NEK11: variants seen among roughly 807,000 people sequenced by gnomAD.
NEK11 encodes NIMA related kinase 11.
Under a neutral mutation model 80.7 loss-of-function variants are expected in NEK11, and 72 were observed. That is an observed-to-expected ratio of 0.89 (90% CI 0.74 to 1.08). The LOEUF is 1.08. NEK11 is among the 50% of genes least tolerant of loss of function. NEK11 has a pLI of 0.00. For missense variants in NEK11, 764 were observed against 763.6 expected (o/e 1.00, Z -0.01); for synonymous variants, 251 against 260.7 (o/e 0.96, Z 0.36).
At chr3:131,249,638 G>A (rs1016702385) in intron 16 of NEK11, among the ~76,000 whole-genome samples, 24 of 152,056 alleles carry the variant, frequency 1.6e-4, no homozygotes, top group African/African-American at 5.6e-4. Flanking sequence ...TTCCTACTTG[G>A]CTTCTGAAAC....
chr3:131,049,573 C>T (rs1248640870), intron 3 of NEK11, among the ~76,000 whole-genome samples: 1 of 152,070 alleles, frequency 6.6e-6, no homozygotes, highest in Admixed American at 6.5e-5. Flanking sequence ...ATTTGTGTGT[C>T]CATCAGTGGC....
intron 14 of NEK11, among the ~76,000 whole-genome samples, chr3:131,186,098 C>T (rs2093590469): frequency 6.6e-6 from 1 of 152,110 alleles, no homozygotes; most frequent in Non-Finnish European, 1.5e-5. Context: ...CAATCAGTGT[C>T]AAAGCAAGTT....
intron 14 of NEK11, chr3:131,174,782 T>C: frequency 6.2e-7 from 1 of 1,611,126 alleles, no homozygotes; most frequent in Non-Finnish European, 8.5e-7. Flanking sequence ...CACAGCTGAC[T>C]TTCAGAGCAG....
intron 17 of NEK11, among the ~76,000 whole-genome samples, chr3:131,341,941 G>A (rs558682147): frequency 1.3e-4 from 20 of 152,258 alleles, no homozygotes; most frequent in Non-Finnish European, 2.4e-4. Flanking sequence ...TAGTCAGTGA[G>A]TCTAGTCCAT....
chr3:131,173,045 A>T (rs556622296), intron 14 of NEK11, among the ~76,000 whole-genome samples: 1 of 152,328 alleles, frequency 6.6e-6, no homozygotes, highest in South Asian at 2.1e-4. Context: ...ATGAATCCTC[A>T]GTTCTGGGAG....
intron 17 of NEK11, among the ~76,000 whole-genome samples, chr3:131,279,366 C>T (rs1374617435): frequency 6.6e-6 from 1 of 152,018 alleles, no homozygotes; most frequent in Non-Finnish European, 1.5e-5. Context: ...AAAATAAATT[C>T]ACTTATTTTC....
intron 3 of NEK11, among the ~76,000 whole-genome samples, chr3:131,062,945 G>A (rs1474199410): frequency 6.6e-6 from 1 of 152,206 alleles, no homozygotes; most frequent in Non-Finnish European, 1.5e-5. Context: ...GGATCTCAGG[G>A]CAGTGTTGGC....
In NEK11 at chr3:131,306,632, G is replaced by A. The variant is rs145090665; in HGVS notation, c.1718+33058G>A. 5.9e-3 allele frequency among the ~76,000 whole-genome samples: 894 copies of A among 152,284 alleles called. 4 individuals are homozygous for A. The highest frequency in any genetic ancestry group is 8.6e-3 in the Non-Finnish European group (584 of 68,016). ...GGCTCTGATTAGTAGATTAGGCTCT[G>A]GTTAACTAACTTCTCCTAAGAGCAA... is the stretch of plus-strand genomic sequence containing the variant. On this transcript the variant is annotated intron_variant, in intron 17 of 17. Coordinates refer to ENST00000383366, the MANE Select transcript of NEK11 (RefSeq NM_024800.5).
intron 14 of NEK11, among the ~76,000 whole-genome samples, chr3:131,210,010 TCTTGC>T (rs1237286630): frequency 6.6e-6 from 1 of 152,244 alleles, no homozygotes; most frequent in Non-Finnish European, 1.5e-5. Flanking sequence ...CTTAGTTATT[TCTTGC>T]CTTCTGCTAG....
At chr3:131,200,785 T>G (rs1372803220) in intron 14 of NEK11, among the ~76,000 whole-genome samples, 5 of 152,178 alleles carry the variant, frequency 3.3e-5, no homozygotes, top group Non-Finnish European at 7.3e-5. Context: ...GAGGCTGAGC[T>G]CCCATCTTTT....
Position 131,152,714 on chromosome 3 carries a change from T to G in NEK11, c.876+5T>G. The G allele has an allele frequency of 6.3e-7, 1 of 1,598,006 alleles. No homozygotes were observed. The highest frequency in any genetic ancestry group is 1.8e-4 in the Middle Eastern group (1 of 5,614). On this transcript the variant is annotated splice_donor_5th_base_variant and intron_variant, in intron 9 of 17. Transcript: ENST00000383366. The stretch of plus-strand genomic sequence containing the variant: ...TACCTTGATGAGCAGCTACAGGTAT[T>G]TAAAATGAAAGGGATTCTGGGAAAC...
intron 3 of NEK11, among the ~76,000 whole-genome samples, chr3:131,054,789 T>TG (rs760741557): frequency 3.0e-5 from 4 of 135,252 alleles, no homozygotes; most frequent in East Asian, 2.0e-4. Flanking sequence ...AATAAATAAA[T>TG]AAATGAATGA....
At chr3:131,116,440 G>A (rs1051566220) in intron 5 of NEK11, among the ~76,000 whole-genome samples, 24 of 152,172 alleles carry the variant, frequency 1.6e-4, no homozygotes, top group African/African-American at 5.8e-4. Context: ...AAACATACGT[G>A]TGCATGTGTC....
intron 16 of NEK11, among the ~76,000 whole-genome samples, chr3:131,252,472 C>T (rs1440340933): frequency 3.9e-5 from 6 of 151,964 alleles, no homozygotes; most frequent in African/African-American, 1.5e-4. Flanking sequence ...CATTCCTGAC[C>T]CCAATTTAGT....
chr3:131,243,152 G>C (rs979778818), intron 15 of NEK11, among the ~76,000 whole-genome samples: 5 of 152,076 alleles, frequency 3.3e-5, no homozygotes, highest in Non-Finnish European at 5.9e-5. Context: ...ACACGAAGGA[G>C]ACAATAAAGA....
chr3:131,254,625 A>G (rs1001367157), intron 16 of NEK11, among the ~76,000 whole-genome samples: 2 of 152,212 alleles, frequency 1.3e-5, no homozygotes, highest in African/African-American at 4.8e-5. Context: ...AATTCTAATT[A>G]CTTCTGAAAC....
chr3:131,120,183 A>T (rs560335002), intron 5 of NEK11, among the ~76,000 whole-genome samples: 1 of 152,164 alleles, frequency 6.6e-6, no homozygotes, highest in Non-Finnish European at 1.5e-5. Flanking sequence ...GGTGGTGACA[A>T]AATCTCTCAG....
At chr3:131,061,085 A>G (rs913222991) in intron 3 of NEK11, among the ~76,000 whole-genome samples, 1 of 152,196 alleles carries the variant, frequency 6.6e-6, no homozygotes, top group Non-Finnish European at 1.5e-5. Context: ...CTCAGCTGAA[A>G]CCTGCTATAG....
intron 3 of NEK11, among the ~76,000 whole-genome samples, chr3:131,040,870 A>AT (rs2066374851): frequency 6.6e-6 from 1 of 152,216 alleles, no homozygotes; most frequent in African/African-American, 2.4e-5. Context: ...GTCACTTAGC[A>AT]TTTTAATTAA....
Sources: gnomAD v4.1 joint callset for allele counts (sites outside exome capture counted in the v4.1 genomes callset) on GRCh38, gnomAD v4.1.1 for gene constraint, MANE v1.5 for transcripts, NCBI Gene and HGNC (gene_info 2026-07-23, HGNC 2026-07-21) for gene names.